DBNDD1: variants seen among roughly 807,000 people sequenced by gnomAD.
DBNDD1 encodes the protein dysbindin domain-containing protein 1.
A neutral mutation model predicts 17.0 loss-of-function variants in DBNDD1; 14 were observed. The observed-to-expected ratio is 0.82, with a 90% confidence interval of 0.54 to 1.29. DBNDD1 has a LOEUF of 1.29. Among genes scored for constraint, DBNDD1 ranks in the 50% most tolerant of loss-of-function variants. The probability of loss-of-function intolerance (pLI) is 0.00; values close to 1 mark genes in which losing one functional copy is unlikely to be tolerated. For synonymous variants in DBNDD1, 105 were observed against 102.0 expected, an observed-to-expected ratio of 1.03 and a Z score of -0.18; for missense variants, 221 against 216.2, an observed-to-expected ratio of 1.02 and a Z score of -0.14.
intron 1 of DBNDD1, among the ~76,000 whole-genome samples, chr16:90,017,639 C>A (rs1040585429): frequency 6.6e-6 from 1 of 152,198 alleles, no homozygotes; most frequent in African/African-American, 2.4e-5. Flanking sequence ...TGGGATGTCA[C>A]ACATGGGCCT....
chr16:90,009,879 G>A, intron 1 of DBNDD1: 3 of 1,434,134 alleles, frequency 2.1e-6, no homozygotes, highest in Non-Finnish European at 1.9e-6. Flanking sequence ...CTCCACTGTG[G>A]ACTGACTTTT....
intron 1 of DBNDD1, among the ~76,000 whole-genome samples, chr16:90,014,801 TCG>T (rs1362976918): frequency 1.3e-5 from 2 of 152,066 alleles, no homozygotes; most frequent in African/African-American, 4.8e-5. Context: ...GGCCAGGAGT[TCG>T]AGACCAGTCT....
intron 3 of DBNDD1, 134 bp downstream of exon 3, chr16:90,008,650 G>A (rs2035485525): frequency 1.7e-6 from 1 of 590,928 alleles, no homozygotes; most frequent in Non-Finnish European, 2.8e-6. Context: ...ACGTCCCAAG[G>A]GGCCTCACCC....
At chr16:90,010,871 C>T (rs769972722) in intron 1 of DBNDD1, among the ~76,000 whole-genome samples, 3 of 152,244 alleles carry the variant, frequency 2.0e-5, no homozygotes, top group Non-Finnish European at 2.9e-5. Context: ...TGGGTGCATG[C>T]CCCCCTTTGG....
At chr16:90,009,570 G>T in intron 1 of DBNDD1, 140 bp from the exon 2 acceptor site, 3 of 1,322,182 alleles carry the variant, frequency 2.3e-6, no homozygotes, top group Non-Finnish European at 3.1e-6. Flanking sequence ...GGATGGCTGG[G>T]CTTGTGGCCT....
intron 1 of DBNDD1, among the ~76,000 whole-genome samples, chr16:90,015,047 T>TGA (rs992819898): frequency 6.6e-6 from 1 of 151,966 alleles, no homozygotes; most frequent in Non-Finnish European, 1.5e-5. Flanking sequence ...TCCACATTCT[T>TGA]GAGACAGCAA....
chr16:90,016,071 C>T (rs1005926472), intron 1 of DBNDD1, among the ~76,000 whole-genome samples: 2 of 152,134 alleles, frequency 1.3e-5, no homozygotes, highest in Admixed American at 6.5e-5. Flanking sequence ...TAGGCAAAGC[C>T]GGGAGGAAAT....
chr16:90,019,278 C>A lies in DBNDD1; in HGVS notation c.31+33G>T. The A allele has an allele frequency of 2.0e-5, 23 of 1,169,296 alleles. No individual in the cohort carries two copies. The highest frequency in any genetic ancestry group is 2.4e-5 in the Non-Finnish European group (22 of 935,198). 72.4% of individuals were successfully genotyped at this position (1,169,296 alleles called of 1,614,324 possible). A position where few individuals can be genotyped will look rare whatever the true frequency, so the allele number is the denominator to read the frequency against. On this transcript the variant is annotated intron_variant, in intron 1 of 3. Coordinates refer to ENST00000002501, the MANE Select transcript of DBNDD1 (RefSeq NM_001042610.3). This position sits in a 1 kb window ranked among gnomAD's most constrained non-coding sequence, Gnocchi z 6.1. ...TGCGGCTCGCTGCGGGGAAGCGCTG[C>A]GCGGGGGTCTCGGGGGCTGGGGCTG...
chr16:90,009,505 G>T (rs1178493341), intron 1 of DBNDD1, 75 bp from the exon 2 acceptor site: 6 of 1,585,914 alleles, frequency 3.8e-6, no homozygotes, highest in Non-Finnish European at 2.6e-6. Flanking sequence ...GGCTGGGTGT[G>T]AGGACTTGGC....
Position 90,019,358 on chromosome 16 carries a change from G to C in DBNDD1, c.-17C>G, listed in dbSNP as rs946900180. ...GGGCTCCATGCGGCCGGTGCGGTCTGGGAGGGGCACGGGCGACGGCGGCGT... is the reference window on the plus strand; with the variant it reads ...GGGCTCCATGCGGCCGGTGCGGTCTCGGAGGGGCACGGGCGACGGCGGCGT... On this transcript the variant is annotated 5_prime_UTR_variant, in exon 1 of 4. Coordinates refer to ENST00000002501, the MANE Select transcript of DBNDD1 (RefSeq NM_001042610.3). The surrounding 1 kb of genome is among the most constrained non-coding windows in gnomAD (Gnocchi z 6.1). The C allele has an allele frequency of 1.6e-6, 2 of 1,215,454 alleles. No individual in the cohort carries two copies. The highest frequency in any genetic ancestry group is 3.1e-5 in the African/African-American group (2 of 63,664). The allele number at this position is 1,215,454 out of a possible 1,614,324, so 75.3% of individuals were successfully genotyped here.
At chr16:90,008,050 C>T (rs2035467791) in intron 3 of DBNDD1, among the ~76,000 whole-genome samples, 1 of 107,004 alleles carries the variant, frequency 9.3e-6, no homozygotes, top group Admixed American at 9.5e-5. Context: ...GGCCTCAGCC[C>T]ACCACACACA....
intron 1 of DBNDD1, among the ~76,000 whole-genome samples, chr16:90,013,029 A>G (rs1368084072): frequency 6.6e-6 from 1 of 151,848 alleles, no homozygotes; most frequent in Non-Finnish European, 1.5e-5. Context: ...CCTAATATCA[A>G]GGAAACCTGG....
At chr16:90,019,760 C>G, upstream of DBNDD1, 1 of 680,978 alleles carries the variant, frequency 1.5e-6, no homozygotes, top group South Asian at 1.5e-5. This position sits in a 1 kb window ranked among gnomAD's most constrained non-coding sequence, Gnocchi z 6.1. Flanking sequence ...TCCTCTTGTT[C>G]TCTTCCAGGT....
In DBNDD1 at chr16:90,008,860, G is replaced by A. The variant is rs1041403991; in HGVS notation, c.243C>T (p.Thr81=). 1.1e-5 allele frequency: 17 copies of A among 1,602,162 alleles called. No homozygotes were observed. The highest frequency in any genetic ancestry group is 1.7e-4 in the Middle Eastern group (1 of 5,794). ...HFDLLDLTEL[T]DMSDQELAEV... ...CGGCCAGCTCCTGGTCCGACATGTC[G>A]GTGAGCTCAGTGAGGTCCAGGAGGT... The change falls in exon 3 of 4, where the codon ACC becomes ACT. Residue 81 remains threonine (T), a synonymous_variant. Transcript: ENST00000002501.
intron 1 of DBNDD1, among the ~76,000 whole-genome samples, chr16:90,013,925 TG>T (rs1433599117): frequency 9.3e-5 from 1 of 10,728 alleles, no homozygotes; most frequent in Non-Finnish European, 1.6e-4. Context: ...TGATACTGGG[TG>T]GGGCGGGGGG....
intron 1 of DBNDD1, among the ~76,000 whole-genome samples, chr16:90,016,399 C>G (rs187754548): frequency 1.4e-4 from 22 of 152,200 alleles, no homozygotes; most frequent in African/African-American, 5.3e-4. Flanking sequence ...ACCAGAGGCT[C>G]AATGCCAGGC....
chr16:90,013,530 G>A (rs1343196933), intron 1 of DBNDD1, among the ~76,000 whole-genome samples: 2 of 152,260 alleles, frequency 1.3e-5, no homozygotes, highest in East Asian at 1.9e-4. Context: ...GTGGAGATGG[G>A]AACCAGGGAT....
intron 1 of DBNDD1, among the ~76,000 whole-genome samples, chr16:90,013,627 T>G (rs2035592495): frequency 6.6e-6 from 1 of 152,204 alleles, no homozygotes; most frequent in Middle Eastern, 3.4e-3. Context: ...GACGTGGATC[T>G]CTGAAGGAAG....
Position 90,019,169 on chromosome 16 carries a change from C to T in DBNDD1, c.31+142G>A, listed in dbSNP as rs2035715024. 2 of 366,588 alleles carry T rather than the reference C, an allele frequency of 5.5e-6. No individual in the cohort carries two copies. Among genetic ancestry groups the T allele is most frequent in the African/African-American group, 2.1e-5 (1 of 46,642 alleles). The allele number at this position is 366,588 out of a possible 1,614,324, so 22.7% of individuals were successfully genotyped here. A position where few individuals can be genotyped will look rare whatever the true frequency, so the allele number is the denominator to read the frequency against. Reference sequence around the variant, plus strand: ...CGGGGACCGCGCCCGGGAGGTGCCCCTGGCCCGCCGGACGACCCCGAGCTG... The same window carrying T: ...CGGGGACCGCGCCCGGGAGGTGCCCTTGGCCCGCCGGACGACCCCGAGCTG... On this transcript the variant is annotated intron_variant, in intron 1 of 3. Coordinates refer to ENST00000002501, the MANE Select transcript of DBNDD1 (RefSeq NM_001042610.3). The surrounding 1 kb of genome is among the most constrained non-coding windows in gnomAD (Gnocchi z 6.1).
Sources: gnomAD v4.1 joint callset for allele counts (sites outside exome capture counted in the v4.1 genomes callset) on GRCh38, gnomAD v4.1.1 for gene constraint, Gnocchi (gnomAD v3.1) non-coding constraint, MANE v1.5 for transcripts, NCBI Gene and HGNC (gene_info 2026-07-23, HGNC 2026-07-21) for gene names.